The following NDUFA5 variants were observed in gnomAD, a reference collection of about 807,000 sequenced individuals.
NDUFA5 encodes NADH dehydrogenase [ubiquinone] 1 alpha subcomplex subunit 5.
Under a neutral mutation model 19.8 loss-of-function variants are expected in NDUFA5, and 11 were observed. The ratio of observed to expected loss-of-function variants is 0.56; its 90% CI spans 0.35 to 0.92. The LOEUF (loss-of-function observed/expected upper bound fraction) is 0.92. Ranked by LOEUF, NDUFA5 falls within the 40% of genes least tolerant of loss-of-function variation. The probability of loss-of-function intolerance (pLI) is 0.01; values close to 1 mark genes in which losing one functional copy is unlikely to be tolerated. For synonymous variants in NDUFA5, 47 were observed against 46.8 expected (o/e 1.00, Z -0.01); for missense variants, 109 against 134.2 (o/e 0.81, Z 0.93).
chr7:123,556,772 T>A (rs1333902352), intron 2 of NDUFA5: 3 of 466,958 alleles, frequency 6.4e-6, no homozygotes, highest in Admixed American at 5.4e-5. Context: ...GTGAGAAATA[T>A]GAGCTGACCA....
the NDUFA5 span, among the ~76,000 whole-genome samples, chr7:123,563,265 CTT>C: frequency 6.6e-6 from 1 of 152,250 alleles, no homozygotes; most frequent in South Asian, 2.1e-4. Context: ...TCGTTTCTAA[CTT>C]TTGTTTTAAA....
At chr7:123,574,527 T>C in the NDUFA5 span, among the ~76,000 whole-genome samples, 1 of 152,180 alleles carries the variant, frequency 6.6e-6, no homozygotes, top group African/African-American at 2.4e-5. Context: ...TGAACCACAC[T>C]TTAAGAACCG....
At chr7:123,578,009 A>G in the NDUFA5 span, among the ~76,000 whole-genome samples, 1 of 151,670 alleles carries the variant, frequency 6.6e-6, no homozygotes, top group Non-Finnish European at 1.5e-5. Flanking sequence ...CATCACCTAC[A>G]TTAAGTATTT....
rs564921551 is a variant in NDUFA5, at chr7:123,551,137, G to C, written c.67-551C>G. Among the ~76,000 whole-genome samples the C allele has an allele frequency of 2.0e-5, 3 of 151,172 alleles. No individual in the cohort carries two copies. In the South Asian group the frequency reaches 6.2e-4, roughly 31 times the overall value. ...TTTGCCATGTTGGCCAGACTGGTCAGAAACAAAACAACTTATTGCTAATGA... is the reference window on the plus strand; with the variant it reads ...TTTGCCATGTTGGCCAGACTGGTCACAAACAAAACAACTTATTGCTAATGA... On this transcript the variant is annotated intron_variant, in intron 2 of 4. Coordinates refer to ENST00000355749, the MANE Select transcript of NDUFA5 (RefSeq NM_005000.5).
chr7:123,594,868 G>T, the NDUFA5 span, among the ~76,000 whole-genome samples: 1 of 152,198 alleles, frequency 6.6e-6, no homozygotes, highest in Admixed American at 6.5e-5. Flanking sequence ...GCTGCCTTTT[G>T]TTCAGATAGG....
rs1441231398 is a variant in NDUFA5, at chr7:123,541,045, C to CATGTAATTTT, written c.*1064_*1073dup. On this transcript the variant is annotated 3_prime_UTR_variant, in exon 5 of 5. Transcript: ENST00000355749. Reference sequence around the variant, plus strand: ...ACAGGGAGCTAGGAAGGCGAAAACACATGTAATTTTATTTTTGTTTAACCT... The same window carrying CATGTAATTTT: ...ACAGGGAGCTAGGAAGGCGAAAACACATGTAATTTTATGTAATTTTATTTTTGTTTAACCT... 6.6e-6 allele frequency: 1 copy of CATGTAATTTT among 152,084 alleles called. No homozygotes were observed. Among genetic ancestry groups the CATGTAATTTT allele is most frequent in the Non-Finnish European group, 1.5e-5 (1 of 68,016 alleles). 9.4% of individuals were successfully genotyped at this position (152,084 alleles called of 1,614,324 possible).
chr7:123,564,068 A>G, the NDUFA5 span, among the ~76,000 whole-genome samples: 1 of 152,254 alleles, frequency 6.6e-6, no homozygotes, highest in East Asian at 1.9e-4. Flanking sequence ...GACGGGAAGA[A>G]GATATCTGCA....
rs1289399258 is a variant in NDUFA5, at chr7:123,537,435, G to T, written c.*4684C>A. The T allele has an allele frequency of 1.3e-5, 2 of 152,100 alleles. No homozygotes were observed. Among genetic ancestry groups the T allele is most frequent in the African/African-American group, 2.4e-5 (1 of 41,428 alleles). The allele number at this position is 152,100 out of a possible 1,614,324, so 9.4% of individuals were successfully genotyped here. ...TAATACCACTTTGTGAACTTGTTAA[G>T]AGAATGGAAATATAGGTCTATTGTC... On this transcript the variant is annotated 3_prime_UTR_variant, in exon 5 of 5. Coordinates refer to ENST00000355749, the MANE Select transcript of NDUFA5 (RefSeq NM_005000.5).
chr7:123,556,803 A>C, intron 2 of NDUFA5: 1 of 492,578 alleles, frequency 2.0e-6, no homozygotes, highest in Non-Finnish European at 4.0e-6. Context: ...CAGCATGGAG[A>C]TAATTGGTGA....
At chr7:123,567,533 C>T in the NDUFA5 span, among the ~76,000 whole-genome samples, 6 of 152,178 alleles carry the variant, frequency 3.9e-5, no homozygotes, top group African/African-American at 1.4e-4. Context: ...GATGCAAGCT[C>T]TTTTGTGAGG....
chr7:123,544,216 G>A (rs1798041392), intron 4 of NDUFA5, among the ~76,000 whole-genome samples: 1 of 152,042 alleles, frequency 6.6e-6, no homozygotes, highest in Non-Finnish European at 1.5e-5. Context: ...AAAAAAATTT[G>A]AGCTGGGCAG....
rs1798615688 is a variant in NDUFA5, at chr7:123,557,701, C to T, written c.21+74G>A. The T allele has an allele frequency of 2.5e-6, 4 of 1,614,044 alleles. No individual in the cohort carries two copies. The Admixed American group carries it at 6.7e-5, about 27-fold the overall frequency. Reference sequence around the variant, plus strand: ...GCCCGCGACAGTAGGGGTCAACACCCGCGGGAAGTAGGGCTATCGGACTGA... The same window carrying T: ...GCCCGCGACAGTAGGGGTCAACACCTGCGGGAAGTAGGGCTATCGGACTGA... On this transcript the variant is annotated intron_variant, in intron 1 of 4. Transcript: ENST00000355749.
chr7:123,567,533 C>G, the NDUFA5 span, among the ~76,000 whole-genome samples: 1 of 152,178 alleles, frequency 6.6e-6, no homozygotes, highest in Non-Finnish European at 1.5e-5. Context: ...GATGCAAGCT[C>G]TTTTGTGAGG....
At chr7:123,557,627 G>A in intron 1 of NDUFA5, 148 bp downstream of exon 1, 4 of 1,613,514 alleles carry the variant, frequency 2.5e-6, no homozygotes, top group Middle Eastern at 1.6e-4. Flanking sequence ...CCACTAACCT[G>A]CCCTACCCGG....
intron 4 of NDUFA5, among the ~76,000 whole-genome samples, chr7:123,544,512 AAAAAAAAATTG>A (rs1798056738): frequency 6.6e-6 from 1 of 151,316 alleles, no homozygotes; most frequent in Non-Finnish European, 1.5e-5. Flanking sequence ...AAAAAAAAAA[AAAAAAAAATTG>A]AAAACCTCTA....
the NDUFA5 span, among the ~76,000 whole-genome samples, chr7:123,566,300 C>G: frequency 6.6e-6 from 1 of 152,144 alleles, no homozygotes; most frequent in South Asian, 2.1e-4. Context: ...TTCTCTCAGC[C>G]CTCAGAAGGA....
In NDUFA5 at chr7:123,537,838, AAT is replaced by A. The variant is rs1296256378; in HGVS notation, c.*4279_*4280del. On this transcript the variant is annotated 3_prime_UTR_variant, in exon 5 of 5. Transcript: ENST00000355749. ...TGCCAATATTTTGTAAAAAAAAAAA[AAT>A]AGTTATCTTTAGAAAACCTAATAGA... 2.0e-5 allele frequency: 3 copies of A among 148,410 alleles called. No individual in the cohort carries two copies. Among genetic ancestry groups the A allele is most frequent in the South Asian group, 2.1e-4 (1 of 4,660 alleles). 9.2% of individuals were successfully genotyped at this position (148,410 alleles called of 1,614,324 possible).
the NDUFA5 span, among the ~76,000 whole-genome samples, chr7:123,592,620 T>C: frequency 1.6e-4 from 24 of 152,320 alleles, no homozygotes; most frequent in African/African-American, 5.5e-4. Flanking sequence ...AATCCTTATT[T>C]CTAATTTGAT....
At chr7:123,590,399 G>A in the NDUFA5 span, among the ~76,000 whole-genome samples, 1 of 152,092 alleles carries the variant, frequency 6.6e-6, no homozygotes, top group Admixed American at 6.6e-5. Flanking sequence ...CTTTGCTCAC[G>A]CCTATGTGCT....
Sources: gnomAD v4.1 joint callset for allele counts (sites outside exome capture counted in the v4.1 genomes callset) on GRCh38, gnomAD v4.1.1 for gene constraint, MANE v1.5 for transcripts, NCBI Gene and HGNC (gene_info 2026-07-23, HGNC 2026-07-21) for gene names.